The following TFPI variants were observed in gnomAD, a reference collection of about 807,000 sequenced individuals.
The protein encoded by TFPI is anti-convertin.
TFPI carries 15 observed loss-of-function variants against 34.6 expected under a neutral mutation model. That is an observed-to-expected ratio of 0.43 (90% CI 0.29 to 0.67). The LOEUF is 0.67. Among genes scored for constraint, TFPI ranks in the 30% least tolerant of loss-of-function variants. The pLI, the probability that TFPI is intolerant of heterozygous loss-of-function variation, is 0.15. For missense variants in TFPI, 301 were observed against 364.0 expected (o/e 0.83, Z 1.41); for synonymous variants, 105 against 120.1 (o/e 0.87, Z 0.82).
chr2:187,542,239 G>A (rs1425680658), intron 1 of TFPI, among the ~76,000 whole-genome samples: 1 of 152,046 alleles, frequency 6.6e-6, no homozygotes, highest in Non-Finnish European at 1.5e-5. Context: ...GAGTTTAACT[G>A]TGGGCTGAAT....
chr2:187,492,079 T>G (rs1202062193), intron 3 of TFPI, among the ~76,000 whole-genome samples: 1 of 152,166 alleles, frequency 6.6e-6, no homozygotes, highest in Non-Finnish European at 1.5e-5. Context: ...TTGAGTTACA[T>G]GTACATTTTA....
In TFPI at chr2:187,537,465, C is replaced by A. The variant is rs192152076; in HGVS notation, c.-3+16735G>T. On this transcript the variant is annotated intron_variant, in intron 1 of 7. Coordinates refer to ENST00000233156, the MANE Select transcript of TFPI (RefSeq NM_006287.6). ...CTACATCCATCTGATCTTTGACACACCTGACAAAAACCAGCAATGGGGAAA... is the reference window on the plus strand; with the variant it reads ...CTACATCCATCTGATCTTTGACACAACTGACAAAAACCAGCAATGGGGAAA... 4.3e-4 allele frequency among the ~76,000 whole-genome samples: 66 copies of A among 152,248 alleles called. No homozygotes were observed. The Middle Eastern group carries it at 0.024, about 55-fold the overall frequency.
At chr2:187,517,873 T>C (rs546268991) in intron 1 of TFPI, 1 of 152,356 alleles carries the variant, frequency 6.6e-6, no homozygotes, top group East Asian at 1.9e-4. Context: ...CTTGTTTCAT[T>C]GATCCCTTTA....
At chr2:187,472,653 T>A (rs547537983) in intron 6 of TFPI, among the ~76,000 whole-genome samples, 1 of 152,252 alleles carries the variant, frequency 6.6e-6, no homozygotes, top group African/African-American at 2.4e-5. Flanking sequence ...TGAAATATCA[T>A]TTATATGAAA....
chr2:187,541,698 T>G (rs2106304745), intron 1 of TFPI, among the ~76,000 whole-genome samples: 1 of 152,282 alleles, frequency 6.6e-6, no homozygotes, highest in African/African-American at 2.4e-5. Context: ...CTTTTACAAA[T>G]ATTAACTCAT....
At chr2:187,545,894 A>G (rs1177403454) in intron 1 of TFPI, among the ~76,000 whole-genome samples, 3 of 152,134 alleles carry the variant, frequency 2.0e-5, no homozygotes, top group Non-Finnish European at 4.4e-5. Context: ...AAATAACAGG[A>G]AATATTAATA....
At position 187,554,408 on chromosome 2, in the gene TFPI, A is replaced by AT. The variant is rs756487036; in HGVS notation, c.-212dup. ...GAAAGAGCGAGGTAAGAATTTGACT[A>AT]TTATCCAGCCTAAAGTCGCTGCTGT... On this transcript the variant is annotated 5_prime_UTR_variant, in exon 1 of 8. Transcript: ENST00000233156. 4 of 152,194 alleles carry AT rather than the reference A, an allele frequency of 2.6e-5. No homozygotes were observed. Among genetic ancestry groups the AT allele is most frequent in the Non-Finnish European group, 5.9e-5 (4 of 68,042 alleles). The allele number at this position is 152,194 out of a possible 1,614,324, so 9.4% of individuals were successfully genotyped here.
At chr2:187,483,473 A>G (rs1245329981) in intron 6 of TFPI, among the ~76,000 whole-genome samples, 2 of 151,900 alleles carry the variant, frequency 1.3e-5, no homozygotes, top group African/African-American at 4.8e-5. Context: ...TTAGCTGTTT[A>G]TGTTATTTCT....
intron 6 of TFPI, among the ~76,000 whole-genome samples, chr2:187,482,301 A>C (rs1292528936): frequency 6.6e-6 from 1 of 152,084 alleles, no homozygotes; most frequent in East Asian, 1.9e-4. Flanking sequence ...AGTCATTCTA[A>C]ATTTTCTTTT....
At chr2:187,530,342 C>T (rs1004835308) in intron 1 of TFPI, among the ~76,000 whole-genome samples, 2 of 152,016 alleles carry the variant, frequency 1.3e-5, no homozygotes, top group Admixed American at 6.6e-5. Flanking sequence ...CAATAAAATT[C>T]GCATACTAAA....
At chr2:187,501,139 C>G (rs1685822715) in intron 2 of TFPI, among the ~76,000 whole-genome samples, 1 of 151,990 alleles carries the variant, frequency 6.6e-6, no homozygotes, top group Non-Finnish European at 1.5e-5. Context: ...TATCTGCCAG[C>G]GGCCATGAGA....
In TFPI at chr2:187,466,978, T is replaced by A. The variant is rs1355627509; in HGVS notation, c.873A>T (p.Arg291Ser). ...AAATTTCTTCATATGCTATTTTCAC[T>A]CTCTGCTTCTTTCTTTTTCTTTTGG... ...IKTKRKRKKQ[R>S]VKIAYEEIFV... Residue 291 changes from arginine to serine, a missense_variant, in exon 8 of 8, where the codon AGA becomes AGT. Arg to Ser is a moderately radical substitution (Grantham distance 110, BLOSUM62 -1). Coordinates refer to ENST00000233156, the MANE Select transcript of TFPI (RefSeq NM_006287.6). 1 of 1,590,302 alleles carries A rather than the reference T, an allele frequency of 6.3e-7. No individual in the cohort carries two copies. The highest frequency in any genetic ancestry group is 8.6e-7 in the Non-Finnish European group (1 of 1,166,030).
chr2:187,544,880 C>T (rs537400345), intron 1 of TFPI, among the ~76,000 whole-genome samples: 1 of 152,232 alleles, frequency 6.6e-6, no homozygotes, highest in East Asian at 1.9e-4. Flanking sequence ...TTTGGGAGGC[C>T]AAGGCGGGCG....
chr2:187,511,084 G>T (rs992765890), intron 1 of TFPI, among the ~76,000 whole-genome samples: 1 of 152,178 alleles, frequency 6.6e-6, no homozygotes, highest in Non-Finnish European at 1.5e-5. Flanking sequence ...TCCTGAGAGC[G>T]CTCCTGGGTA....
intron 1 of TFPI, among the ~76,000 whole-genome samples, chr2:187,532,569 T>C (rs764806216): frequency 1.5e-4 from 23 of 152,242 alleles, no homozygotes; most frequent in Non-Finnish European, 3.4e-4. Flanking sequence ...GCTTTCCCCA[T>C]GGTCTTTGCA....
At chr2:187,477,746 G>C (rs1253618765) in intron 6 of TFPI, among the ~76,000 whole-genome samples, 1 of 152,180 alleles carries the variant, frequency 6.6e-6, no homozygotes, top group Non-Finnish European at 1.5e-5. Flanking sequence ...CAGAAGGCTA[G>C]TGATAACAAA....
chr2:187,515,530 A>G (rs1486077102), intron 1 of TFPI: 1 of 152,142 alleles, frequency 6.6e-6, no homozygotes, highest in African/African-American at 2.4e-5. Flanking sequence ...CTGCAAAGTG[A>G]CTCTGAAGAA....
At chr2:187,474,389 AAC>A (rs1445167776) in intron 6 of TFPI, among the ~76,000 whole-genome samples, 1 of 152,164 alleles carries the variant, frequency 6.6e-6, no homozygotes, top group Non-Finnish European at 1.5e-5. Flanking sequence ...TGGAGAACAT[AAC>A]ACAAAAAAGA....
At chr2:187,468,844 G>A (rs1024382241) in intron 6 of TFPI, among the ~76,000 whole-genome samples, 7 of 152,048 alleles carry the variant, frequency 4.6e-5, no homozygotes, top group Admixed American at 4.6e-4. Context: ...CAGGTAAGTT[G>A]TATGGCAAGG....
Sources: allele counts gnomAD v4.1 joint callset (sites outside exome capture counted in the v4.1 genomes callset), GRCh38; gene constraint gnomAD v4.1.1; transcripts MANE v1.5; gene names NCBI Gene and HGNC (gene_info 2026-07-23, HGNC 2026-07-21).